Variants in ARHGAP22 observed in about 807,000 individuals in gnomAD.
The protein encoded by ARHGAP22 is Rho GTPase activating protein 22.
Under a neutral mutation model 59.1 loss-of-function variants are expected in ARHGAP22, and 48 were observed. The ratio of observed to expected loss-of-function variants is 0.81; its 90% CI spans 0.64 to 1.03. The LOEUF is 1.03. Ranked by LOEUF, ARHGAP22 falls within the 50% of genes least tolerant of loss-of-function variation. The pLI, the probability that ARHGAP22 is intolerant of heterozygous loss-of-function variation, is 0.00. For missense variants in ARHGAP22, 1,015 were observed against 958.7 expected, an observed-to-expected ratio of 1.06 and a Z score of -0.78; for synonymous variants, 445 against 416.4, an observed-to-expected ratio of 1.07 and a Z score of -0.84.
chr10:48,540,552 T>C (rs766914003), intron 3 of ARHGAP22, among the ~76,000 whole-genome samples: 27 of 152,212 alleles, frequency 1.8e-4, no homozygotes, highest in Non-Finnish European at 3.2e-4. Flanking sequence ...ATTCTTTATA[T>C]GGAGGAAGCA....
At chr10:48,517,658 C>T (rs925839970) in intron 3 of ARHGAP22, among the ~76,000 whole-genome samples, 1 of 152,124 alleles carries the variant, frequency 6.6e-6, no homozygotes, top group Admixed American at 6.5e-5. Flanking sequence ...TGGAGGCCAG[C>T]AGCGTTGACC....
At chr10:48,434,882 A>T in the ARHGAP22 span, 1 of 1,605,594 alleles carries the variant, frequency 6.2e-7, no homozygotes, top group Non-Finnish European at 8.5e-7. Context: ...CTCATAGCAC[A>T]GGTGCAGCAG....
At chr10:48,514,879 T>C (rs919672095) in intron 3 of ARHGAP22, among the ~76,000 whole-genome samples, 4 of 152,132 alleles carry the variant, frequency 2.6e-5, no homozygotes, top group Admixed American at 6.5e-5. Context: ...TGAACTATAT[T>C]GTTTTAAATT....
intron 3 of ARHGAP22, among the ~76,000 whole-genome samples, chr10:48,496,139 A>T (rs1259458649): frequency 2.0e-5 from 3 of 152,184 alleles, no homozygotes; most frequent in African/African-American, 7.2e-5. Flanking sequence ...GTTTTAAGCC[A>T]CTAGGCTTGG....
intron 3 of ARHGAP22, among the ~76,000 whole-genome samples, chr10:48,517,590 T>C (rs2134658651): frequency 6.6e-6 from 1 of 152,278 alleles, no homozygotes; most frequent in South Asian, 2.1e-4. Context: ...GGTCAGGGAC[T>C]TAGGGCTTCC....
the ARHGAP22 span, chr10:48,431,091 G>A: frequency 2.8e-6 from 2 of 716,360 alleles, no homozygotes; most frequent in Non-Finnish European, 5.0e-6. Context: ...GACACTGTTT[G>A]AAGTACTTCA....
chr10:48,440,989 G>T, the ARHGAP22 span, among the ~76,000 whole-genome samples: 1 of 152,192 alleles, frequency 6.6e-6, no homozygotes, highest in Non-Finnish European at 1.5e-5. Context: ...ACAAGAGATG[G>T]TGCAAGGAAA....
intron 3 of ARHGAP22, among the ~76,000 whole-genome samples, chr10:48,485,443 T>A (rs760033987): frequency 1.3e-5 from 2 of 152,212 alleles, no homozygotes; most frequent in Non-Finnish European, 2.9e-5. Flanking sequence ...TCAGTGAACT[T>A]GCTAAGTGCA....
chr10:48,434,927 G>A, the ARHGAP22 span: 25 of 1,613,114 alleles, frequency 1.5e-5, no homozygotes, highest in African/African-American at 5.4e-5. Flanking sequence ...CATCATCGTC[G>A]TCTGTCAATG....
intron 4 of ARHGAP22, among the ~76,000 whole-genome samples, chr10:48,470,920 G>C (rs1294380817): frequency 6.6e-6 from 1 of 152,228 alleles, no homozygotes. Context: ...GCCTGGCCTG[G>C]GGGTAATCAC....
At chr10:48,478,380 A>G (rs1456663348) in intron 4 of ARHGAP22, among the ~76,000 whole-genome samples, 1 of 152,256 alleles carries the variant, frequency 6.6e-6, no homozygotes, top group Non-Finnish European at 1.5e-5. Flanking sequence ...TTATCATTCA[A>G]TGAAAGGTGG....
At chr10:48,633,018 A>T (rs901567817) in intron 1 of ARHGAP22, among the ~76,000 whole-genome samples, 1 of 152,180 alleles carries the variant, frequency 6.6e-6, no homozygotes, top group Non-Finnish European at 1.5e-5. Context: ...CACACGGAGG[A>T]CATCAGTGGA....
intron 3 of ARHGAP22, among the ~76,000 whole-genome samples, chr10:48,552,098 A>G (rs1425525040): frequency 1.3e-5 from 2 of 152,258 alleles, no homozygotes; most frequent in Non-Finnish European, 2.9e-5. Flanking sequence ...GTCATTTTTT[A>G]TACCGTTGAA....
the ARHGAP22 span, chr10:48,437,999 G>C: frequency 6.6e-6 from 1 of 152,190 alleles, no homozygotes; most frequent in African/African-American, 2.4e-5. Context: ...GATAAGACTT[G>C]GTTTACACTA....
chr10:48,531,177 A>G (rs1472759297), intron 3 of ARHGAP22, among the ~76,000 whole-genome samples: 1 of 152,238 alleles, frequency 6.6e-6, no homozygotes, highest in East Asian at 1.9e-4. Context: ...AGGAATGGAA[A>G]AGCAAACATC....
At chr10:48,482,564 A>G (rs779931816) in intron 3 of ARHGAP22, among the ~76,000 whole-genome samples, 7 of 152,244 alleles carry the variant, frequency 4.6e-5, no homozygotes, top group Non-Finnish European at 8.8e-5. Flanking sequence ...GCTTTTCACC[A>G]TTAAGTCTAT....
At chr10:48,607,034 C>T (rs2060706898), upstream of ARHGAP22, among the ~76,000 whole-genome samples, 4 of 152,282 alleles carry the variant, frequency 2.6e-5, no homozygotes, top group South Asian at 8.3e-4. Flanking sequence ...GGGAGAATAT[C>T]AAGCTAGAAA....
chr10:48,441,354 TTGGA>T (rs1214490348), downstream of ARHGAP22, among the ~76,000 whole-genome samples: 1 of 151,724 alleles, frequency 6.6e-6, no homozygotes, highest in Non-Finnish European at 1.5e-5. Context: ...GACTGAAAAC[TTGGA>T]TGGAAATGTA....
chr10:48,531,446 T>C (rs891787796), intron 3 of ARHGAP22, among the ~76,000 whole-genome samples: 4 of 152,184 alleles, frequency 2.6e-5, no homozygotes, highest in Non-Finnish European at 5.9e-5. Context: ...AAGGAAAATA[T>C]GTGTTGTTTT....
Sources: allele counts gnomAD v4.1 joint callset (sites outside exome capture counted in the v4.1 genomes callset), GRCh38; gene constraint gnomAD v4.1.1; transcripts MANE v1.5; gene names NCBI Gene and HGNC (gene_info 2026-07-23, HGNC 2026-07-21).